Variants in EYS observed in about 807,000 individuals in gnomAD.
EYS encodes EGF-like photoreceptor maintenance factor.
Under a neutral mutation model 282.1 loss-of-function variants are expected in EYS, and 250 were observed. The ratio of observed to expected loss-of-function variants is 0.89; its 90% CI spans 0.80 to 0.98. The LOEUF (loss-of-function observed/expected upper bound fraction) is 0.98, where lower values mean the gene tolerates loss of function less well. EYS is among the 50% of genes least tolerant of loss of function. The pLI, the probability that EYS is intolerant of heterozygous loss-of-function variation, is 0.00. For missense variants in EYS, 4,016 were observed against 3,709.0 expected (o/e 1.08, Z -2.15); for synonymous variants, 1,355 against 1,282.9 (o/e 1.06, Z -1.20).
At chr6:63,779,711 A>G (rs2149665249) in intron 39 of EYS, among the ~76,000 whole-genome samples, 1 of 151,992 alleles carries the variant, frequency 6.6e-6, no homozygotes, top group South Asian at 2.1e-4. Flanking sequence ...TTTATTTTCA[A>G]AACTTTTTTT....
intron 26 of EYS, among the ~76,000 whole-genome samples, chr6:64,533,658 C>T (rs996614596): frequency 7.9e-5 from 12 of 151,842 alleles, no homozygotes; most frequent in Admixed American, 2.0e-4. Context: ...AATTTGTCTT[C>T]GGCATATTTA....
At position 65,166,053 on chromosome 6, in the gene EYS, C is replaced by T. The variant is rs180863331; in HGVS notation, c.2024-108326G>A. On this transcript the variant is annotated intron_variant, in intron 12 of 42. Transcript: ENST00000503581. Reference sequence around the variant, plus strand: ...TCAAAAGTAATATAAGAGCTATATACTGTAAACTACAAACTTCACTGAAAA... The same window carrying T: ...TCAAAAGTAATATAAGAGCTATATATTGTAAACTACAAACTTCACTGAAAA... 2.1e-3 allele frequency among the ~76,000 whole-genome samples: 312 copies of T among 151,250 alleles called. 2 individuals carry two copies. The highest frequency in any genetic ancestry group is 6.9e-3 in the African/African-American group (285 of 41,410).
In EYS at chr6:65,128,440, C is replaced by T. The variant is rs142425447; in HGVS notation, c.2024-70713G>A. On this transcript the variant is annotated intron_variant, in intron 12 of 42. Coordinates refer to ENST00000503581, the MANE Select transcript of EYS (RefSeq NM_001142800.2). ...ACCTAGATAACACTAAAAGACTCTGCCAAAAAGCTCCTAGAACTGATAGAC... is the reference window on the plus strand; with the variant it reads ...ACCTAGATAACACTAAAAGACTCTGTCAAAAAGCTCCTAGAACTGATAGAC... Among the ~76,000 whole-genome samples the T allele has an allele frequency of 3.1e-4, 47 of 152,010 alleles. No individual in the cohort carries two copies. The East Asian group carries it at 8.5e-3, about 28-fold the overall frequency.
chr6:64,403,425 T>C (rs1773601083), intron 28 of EYS, among the ~76,000 whole-genome samples: 1 of 152,080 alleles, frequency 6.6e-6, no homozygotes, highest in Non-Finnish European at 1.5e-5. Flanking sequence ...GGTGCAATCT[T>C]GGCTCACTGC....
At chr6:64,961,085 G>A (rs1769898623) in intron 14 of EYS, among the ~76,000 whole-genome samples, 1 of 152,108 alleles carries the variant, frequency 6.6e-6, no homozygotes, top group South Asian at 2.1e-4. Flanking sequence ...CCTTGTCTTT[G>A]CTATTGTGAA....
chr6:64,235,366 T>G (rs540920683), intron 30 of EYS, among the ~76,000 whole-genome samples: 1 of 151,946 alleles, frequency 6.6e-6, no homozygotes, highest in Non-Finnish European at 1.5e-5. Context: ...TGTGATAGTT[T>G]ACTGAGAATG....
chr6:63,937,284 C>T (rs576662258), intron 35 of EYS, among the ~76,000 whole-genome samples: 5 of 136,240 alleles, frequency 3.7e-5, no homozygotes, highest in Non-Finnish European at 7.6e-5. Context: ...CTCAGATGTG[C>T]TATTATCTGA....
chr6:64,085,340 G>GCGCGCGCACACACACACACA (rs112388321), intron 31 of EYS, among the ~76,000 whole-genome samples: 4 of 139,886 alleles, frequency 2.9e-5, no homozygotes, highest in East Asian at 2.2e-4. Flanking sequence ...ACGTGCGCGC[G>GCGCGCGCACACACACACACA]CACACACACA....
chr6:65,173,347 T>A (rs1433331405), intron 12 of EYS, among the ~76,000 whole-genome samples: 2 of 151,434 alleles, frequency 1.3e-5, no homozygotes, highest in East Asian at 3.9e-4. Context: ...AACTTCTTGC[T>A]ACTTCACTGT....
chr6:65,469,102 AT>A lies in EYS; in HGVS notation c.862+21491del, dbSNP rs559496059. 7.6e-4 allele frequency among the ~76,000 whole-genome samples: 116 copies of A among 152,212 alleles called. 5 individuals carry two copies. Among genetic ancestry groups the A allele is most frequent in the Admixed American group, 7.3e-3 (112 of 15,270 alleles). On this transcript the variant is annotated intron_variant, in intron 5 of 42. Transcript: ENST00000503581. ...TTCTGATAGAACAATATTTTTCAGT[AT>A]AAGTATTTCCCATTCAAGATATGAG...
At chr6:64,482,182 C>T (rs1184823124) in intron 26 of EYS, among the ~76,000 whole-genome samples, 33 of 151,600 alleles carry the variant, frequency 2.2e-4, no homozygotes. Flanking sequence ...AAGGTACTAG[C>T]AATGGGGATT....
intron 2 of EYS, among the ~76,000 whole-genome samples, chr6:65,510,008 CT>C (rs112450408): frequency 0.011 from 1,655 of 147,530 alleles, 54 homozygotes; most frequent in Admixed American, 0.082. Context: ...AGAAAATTTT[CT>C]TTTTTTTTTC....
intron 30 of EYS, among the ~76,000 whole-genome samples, chr6:64,282,257 C>A (rs952477043): frequency 3.3e-5 from 5 of 152,074 alleles, no homozygotes; most frequent in African/African-American, 1.2e-4. Context: ...TTCTTAGTTG[C>A]AAAGATTTTG....
chr6:65,687,951 G>A (rs1364771084), intron 1 of EYS, among the ~76,000 whole-genome samples: 1 of 152,094 alleles, frequency 6.6e-6, no homozygotes, highest in Non-Finnish European at 1.5e-5. Flanking sequence ...ACAAATGGAA[G>A]AACATTCCAT....
chr6:65,425,173 A>G (rs1028677662), intron 5 of EYS, among the ~76,000 whole-genome samples: 9 of 152,068 alleles, frequency 5.9e-5, no homozygotes, highest in Non-Finnish European at 1.0e-4. Flanking sequence ...CAGGGAAGGA[A>G]AATATTATTT....
intron 12 of EYS, among the ~76,000 whole-genome samples, chr6:65,119,046 G>A (rs1208348067): frequency 1.3e-5 from 2 of 152,002 alleles, no homozygotes; most frequent in Non-Finnish European, 2.9e-5. Flanking sequence ...AAGGAATAAT[G>A]GAAATGGAAT....
chr6:65,442,662 G>A (rs182957456), intron 5 of EYS, among the ~76,000 whole-genome samples: 2 of 152,034 alleles, frequency 1.3e-5, no homozygotes, highest in South Asian at 2.1e-4. Context: ...TCTGAGGCAG[G>A]AGAATTGTTT....
intron 31 of EYS, among the ~76,000 whole-genome samples, chr6:64,167,212 C>A (rs571757594): frequency 2.0e-5 from 3 of 151,986 alleles, no homozygotes; most frequent in African/African-American, 7.3e-5. Flanking sequence ...GAATGATTAC[C>A]ATATATTTAT....
chr6:64,332,429 ACT>A (rs1182605843), intron 29 of EYS, among the ~76,000 whole-genome samples: 1 of 152,036 alleles, frequency 6.6e-6, no homozygotes, highest in African/African-American at 2.4e-5. Flanking sequence ...CAACCTGGAG[ACT>A]CTGTCTGGGT....
Sources: allele counts gnomAD v4.1 joint callset (sites outside exome capture counted in the v4.1 genomes callset), GRCh38; gene constraint gnomAD v4.1.1; transcripts MANE v1.5; gene names NCBI Gene and HGNC (gene_info 2026-07-23, HGNC 2026-07-21).